SV2C: variants seen among roughly 807,000 people sequenced by gnomAD.
The protein encoded by SV2C is synaptic vesicle glycoprotein 2C, also known as solute carrier family 22 member B3.
In SV2C, 49 loss-of-function variants were observed where a neutral mutation model predicts 79.7. That is an observed-to-expected ratio of 0.61 (90% CI 0.49 to 0.78). SV2C has a LOEUF of 0.78. Ranked by LOEUF, SV2C falls within the 30% of genes least tolerant of loss-of-function variation. SV2C has a pLI of 0.00. For synonymous variants in SV2C, 334 were observed against 333.2 expected (o/e 1.00, Z -0.03); for missense variants, 833 against 912.9 (o/e 0.91, Z 1.13).
the SV2C span, among the ~76,000 whole-genome samples, chr5:76,017,263 A>C: frequency 6.6e-6 from 1 of 152,056 alleles, no homozygotes; most frequent in Non-Finnish European, 1.5e-5. Context: ...TAATGGTTTA[A>C]TTTTGTGGTC....
the SV2C span, among the ~76,000 whole-genome samples, chr5:75,927,350 A>T: frequency 1.3e-5 from 2 of 152,072 alleles, no homozygotes; most frequent in African/African-American, 4.8e-5. Flanking sequence ...TTTTGATAAC[A>T]TATGTGAACC....
the SV2C span, among the ~76,000 whole-genome samples, chr5:76,039,438 T>C: frequency 6.6e-6 from 1 of 152,168 alleles, no homozygotes; most frequent in Non-Finnish European, 1.5e-5. Flanking sequence ...GGATCTTAAC[T>C]AGCCCAACAC....
chr5:76,297,841 G>A (rs1356159425), intron 9 of SV2C, among the ~76,000 whole-genome samples: 1 of 152,124 alleles, frequency 6.6e-6, no homozygotes, highest in Non-Finnish European at 1.5e-5. Flanking sequence ...GTCCCTTTCT[G>A]CCCCTAATAA....
At chr5:75,879,829 A>C in the SV2C span, among the ~76,000 whole-genome samples, 12 of 152,232 alleles carry the variant, frequency 7.9e-5, no homozygotes, top group Non-Finnish European at 1.5e-4. Flanking sequence ...TTTCTCTGTT[A>C]AGGTTCTGCC....
At chr5:76,041,880 G>A in the SV2C span, among the ~76,000 whole-genome samples, 5 of 152,096 alleles carry the variant, frequency 3.3e-5, no homozygotes, top group African/African-American at 7.2e-5. Context: ...ACAGGACTTC[G>A]AGTTTATTCA....
chr5:75,975,168 A>G, the SV2C span, among the ~76,000 whole-genome samples: 1 of 152,198 alleles, frequency 6.6e-6, no homozygotes, highest in African/African-American at 2.4e-5. Flanking sequence ...CTTCTGTGGT[A>G]TTGCAGGATA....
intron 9 of SV2C, among the ~76,000 whole-genome samples, chr5:76,297,235 T>TA: frequency 1.3e-5 from 2 of 152,318 alleles, no homozygotes; most frequent in Middle Eastern, 3.4e-3. Flanking sequence ...CGAAATTTTT[T>TA]AAAAAATAGC....
chr5:75,870,421 G>T, the SV2C span, among the ~76,000 whole-genome samples: 1 of 151,692 alleles, frequency 6.6e-6, no homozygotes, highest in East Asian at 1.9e-4. Context: ...GCAGAAGAAT[G>T]AATTTATGAG....
rs1269933162 is a variant in SV2C at position 76,195,159 on chromosome 5, T to C, written c.761+60T>C. The C allele has an allele frequency of 3.9e-6, 6 of 1,546,468 alleles. No homozygotes were observed. In the Admixed American group the frequency reaches 1.1e-4, roughly 29 times the overall value. Reference sequence around the variant, plus strand: ...GTTTATTCTTCATAATTCTCCACTCTAGAGAACCTTATTGGGAGGAAATTA... The same window carrying C: ...GTTTATTCTTCATAATTCTCCACTCCAGAGAACCTTATTGGGAGGAAATTA... On this transcript the variant is annotated intron_variant, in intron 3 of 12. Coordinates refer to ENST00000502798, the MANE Select transcript of SV2C (RefSeq NM_014979.4).
chr5:76,161,400 G>A (rs1742894401), intron 2 of SV2C, among the ~76,000 whole-genome samples: 1 of 152,148 alleles, frequency 6.6e-6, no homozygotes, highest in African/African-American at 2.4e-5. Flanking sequence ...TGGGGTGGCA[G>A]CTACAAGGTA....
the SV2C span, among the ~76,000 whole-genome samples, chr5:75,860,299 C>T: frequency 6.6e-6 from 1 of 151,918 alleles, no homozygotes; most frequent in African/African-American, 2.4e-5. Flanking sequence ...AATAGCCACA[C>T]ACAAATAATA....
the SV2C span, among the ~76,000 whole-genome samples, chr5:75,892,560 T>C: frequency 3.9e-5 from 6 of 152,036 alleles, no homozygotes; most frequent in Non-Finnish European, 8.8e-5. Context: ...ACCCAGTAGG[T>C]AGGATTTCAA....
intron 1 of SV2C, among the ~76,000 whole-genome samples, chr5:76,122,850 A>G (rs979990364): frequency 6.6e-6 from 1 of 152,176 alleles, no homozygotes; most frequent in Non-Finnish European, 1.5e-5. Context: ...AAAAGCTAGC[A>G]GAAGGCAAGA....
chr5:76,152,019 G>A (rs1580310274), intron 2 of SV2C, among the ~76,000 whole-genome samples: 2 of 152,202 alleles, frequency 1.3e-5, no homozygotes, highest in African/African-American at 4.8e-5. Context: ...TAGGGGGTGA[G>A]AGAAGTCCTA....
intron 1 of SV2C, among the ~76,000 whole-genome samples, chr5:76,092,253 C>A (rs1747401441): frequency 2.6e-5 from 4 of 152,244 alleles, no homozygotes; most frequent in Admixed American, 2.6e-4. Flanking sequence ...GCACACATGA[C>A]TTTTGTAATT....
intron 2 of SV2C, chr5:76,173,999 T>A: frequency 6.4e-7 from 1 of 1,566,486 alleles, no homozygotes; most frequent in South Asian, 1.1e-5. Context: ...TGTAAATTGC[T>A]CCGTTCCTGC....
At chr5:75,967,486 T>C in the SV2C span, among the ~76,000 whole-genome samples, 1 of 152,158 alleles carries the variant, frequency 6.6e-6, no homozygotes, top group African/African-American at 2.4e-5. Flanking sequence ...TACTGCACTT[T>C]TCCAACAGGC....
the SV2C span, among the ~76,000 whole-genome samples, chr5:76,050,905 G>A: frequency 5.9e-5 from 9 of 152,226 alleles, no homozygotes; most frequent in South Asian, 2.1e-4. Context: ...GGAGGAATAC[G>A]TCCAAATCTC....
At chr5:76,287,779 C>A (rs577599891) in intron 6 of SV2C, among the ~76,000 whole-genome samples, 4 of 152,178 alleles carry the variant, frequency 2.6e-5, no homozygotes, top group Non-Finnish European at 5.9e-5. Context: ...TTTCAATATA[C>A]GCAGTCATAT....
Sources: allele counts gnomAD v4.1 joint callset (sites outside exome capture counted in the v4.1 genomes callset), GRCh38; gene constraint gnomAD v4.1.1; transcripts MANE v1.5; gene names NCBI Gene and HGNC (gene_info 2026-07-23, HGNC 2026-07-21).